KRT82: variants seen among roughly 807,000 people sequenced by gnomAD.
KRT82 encodes the protein keratin, type II cuticular Hb2.
In KRT82, 44 loss-of-function variants were observed where a neutral mutation model predicts 48.0. The observed-to-expected ratio is 0.92, with a 90% CI of 0.72 to 1.18. The LOEUF is 1.18. Among genes scored for constraint, KRT82 ranks in the 50% most tolerant of loss-of-function variants. The pLI is 0.00. For synonymous variants in KRT82, 297 were observed against 278.3 expected, an observed-to-expected ratio of 1.07 and a Z score of -0.67; for missense variants, 701 against 671.4, an observed-to-expected ratio of 1.04 and a Z score of -0.49.
rs758229847 is a variant in KRT82 at position 52,394,966 on chromosome 12, C to T, written c.*9G>A. On this transcript the variant is annotated 3_prime_UTR_variant, in exon 9 of 9. Transcript: ENST00000257974. ...CAGGGGCTCTGTCTCCTGGATGTCT[C>T]GGATCATGCTAATGCTTGTGGCTGG... 11 of 1,611,642 alleles carry T rather than the reference C, an allele frequency of 6.8e-6. No homozygotes were observed. Among genetic ancestry groups the T allele is most frequent in the African/African-American group, 2.7e-5 (2 of 74,842 alleles).
rs1163998656 is a variant in KRT82 at position 52,394,723 on chromosome 12, T to G, written c.*252A>C. On this transcript the variant is annotated 3_prime_UTR_variant, in exon 9 of 9. Coordinates refer to ENST00000257974, the MANE Select transcript of KRT82 (RefSeq NM_033033.4). The stretch of plus-strand genomic sequence containing the variant: ...TTCTGCGGTTAAGAGCAATGCATGC[T>G]CTTTCTCTGCCGTCTGTCCCCACCA... The G allele has an allele frequency of 3.5e-6, 2 of 571,900 alleles. No homozygotes were observed. Among genetic ancestry groups the G allele is most frequent in the Non-Finnish European group, 6.3e-6 (2 of 319,112 alleles). The allele number at this position is 571,900 out of a possible 1,614,324, so 35.4% of individuals were successfully genotyped here.
intron 7 of KRT82, 37 bp downstream of exon 7, chr12:52,395,974 TG>T: frequency 6.2e-7 from 1 of 1,613,012 alleles, no homozygotes; most frequent in Non-Finnish European, 8.5e-7. Flanking sequence ...TGGCCATACC[TG>T]GTAGCCCATC....
Position 52,399,979 on chromosome 12 carries a change from C to A in KRT82, c.942+6G>T. 6.2e-7 allele frequency: 1 copy of A among 1,612,374 alleles called. No homozygotes were observed. The highest frequency in any genetic ancestry group is 1.1e-5 in the South Asian group (1 of 90,990). On this transcript the variant is annotated splice_donor_region_variant and intron_variant, in intron 5 of 8. Coordinates refer to ENST00000257974, the MANE Select transcript of KRT82 (RefSeq NM_033033.4). ...AGTCTCCCTGCCCCCAACCACAGGG[C>A]CTCACCCGGCACTGGTACCAGGCCT...
chr12:52,399,998 C>G lies in KRT82; in HGVS notation c.929G>C (p.Trp310Ser). The G allele has an allele frequency of 6.2e-7, 1 of 1,614,040 alleles. No homozygotes were observed. The highest frequency in any genetic ancestry group is 1.1e-5 in the South Asian group (1 of 91,062). The change falls in exon 5 of 9, where the codon TGG (tryptophan) becomes TCG (serine). Residue 310 changes from tryptophan (W) to serine (S), a missense_variant. Trp to Ser is a radical substitution (Grantham distance 177). Coordinates refer to ENST00000257974, the MANE Select transcript of KRT82 (RefSeq NM_033033.4). Reference protein sequence around the residue: ...ASRSKAEAEAWYQCRYEELRV... With the variant: ...ASRSKAEAEASYQCRYEELRV... ...ACAGGGCCTCACCCGGCACTGGTAC[C>G]AGGCCTCTGCTTCGGCTTTGCTGCG...
chr12:52,403,770 GAC>G lies in KRT82; in HGVS notation c.549_550del (p.Ser184ArgfsTer35), dbSNP rs749719133. 12 of 1,613,398 alleles carry G rather than the reference GAC, an allele frequency of 7.4e-6. No individual in the cohort carries two copies. The highest frequency in any genetic ancestry group is 6.7e-5 in the Admixed American group (4 of 60,008). ...TGACTCTAGCCTCACGCGGTCCCCG[GAC>G]ACACAGTCCAGCTGCCGCCGAAGGG... On this transcript the variant is annotated frameshift_variant, in exon 2 of 9. Transcript: ENST00000257974. LOFTEE classifies it high-confidence loss of function.
intron 6 of KRT82, among the ~76,000 whole-genome samples, chr12:52,396,541 A>T (rs1004845332): frequency 3.3e-5 from 5 of 152,266 alleles, no homozygotes; most frequent in Non-Finnish European, 7.4e-5. Flanking sequence ...AACAACTGAG[A>T]GTCACCTTGA....
chr12:52,401,360 A>C lies in KRT82; in HGVS notation c.621-11T>G. The C allele has an allele frequency of 1.2e-6, 2 of 1,613,898 alleles. No individual in the cohort carries two copies. The highest frequency in any genetic ancestry group is 1.7e-6 in the Non-Finnish European group (2 of 1,179,812). ...AGCTCCTCTTCGTATCTGATGGAAA[A>C]GGCAGGAAAAAATGCTTTAGTCGGG... On this transcript the variant is annotated splice_polypyrimidine_tract_variant and intron_variant, in intron 2 of 8. Transcript: ENST00000257974.
At chr12:52,395,323 C>A (rs146136925) in intron 8 of KRT82, 128 bp from the exon 9 acceptor site, 15,496 of 728,510 alleles carry the variant, frequency 0.021, 261 homozygotes, top group Middle Eastern at 0.036. Context: ...CCCATTCCAG[C>A]CTCCAGCCTC....
chr12:52,401,636 G>A (rs111617946), intron 2 of KRT82, among the ~76,000 whole-genome samples: 1 of 152,200 alleles, frequency 6.6e-6, no homozygotes, highest in Non-Finnish European at 1.5e-5. Flanking sequence ...TTGCTGCTGA[G>A]GAGGTTCACT....
intron 7 of KRT82, 95 bp downstream of exon 7, chr12:52,395,917 G>C (rs964422092): frequency 1.3e-6 from 2 of 1,551,790 alleles, no homozygotes; most frequent in African/African-American, 2.7e-5. Context: ...ATGTGGGTAG[G>C]GGACGGGGTG....
intron 6 of KRT82, 24 bp downstream of exon 6, chr12:52,396,859 C>G (rs772971228): frequency 6.2e-7 from 1 of 1,612,688 alleles, no homozygotes; most frequent in South Asian, 1.1e-5. Context: ...GCTGTTGCAG[C>G]AAGGAAGTCC....
At chr12:52,405,460 T>G (rs1939839751) in intron 1 of KRT82, among the ~76,000 whole-genome samples, 2 of 152,172 alleles carry the variant, frequency 1.3e-5, no homozygotes, top group African/African-American at 2.4e-5. Flanking sequence ...ATCCTCACCT[T>G]CAGGCTCAAG....
At chr12:52,400,688 G>A in intron 3 of KRT82, 66 bp from the exon 4 acceptor site, 3 of 1,071,996 alleles carry the variant, frequency 2.8e-6, no homozygotes, top group Non-Finnish European at 4.3e-6. Flanking sequence ...GGTGGCAGGG[G>A]GAAGGCGTGG....
At chr12:52,395,645 C>T (rs769803840) in intron 8 of KRT82, 114 bp downstream of exon 8, 7 of 739,932 alleles carry the variant, frequency 9.5e-6, no homozygotes, top group Non-Finnish European at 1.1e-5. Flanking sequence ...CAGAGCTCTT[C>T]CTTTGGGGTA....
rs779359898 is a variant in KRT82 at position 52,403,707 on chromosome 12, T to C, written c.614A>G (p.Lys205Arg). 2 of 1,602,080 alleles carry C rather than the reference T, an allele frequency of 1.2e-6. No homozygotes were observed. The highest frequency in any genetic ancestry group is 1.7e-6 in the Non-Finnish European group (2 of 1,170,294). The change falls in exon 2 of 9, where the codon AAG becomes AGG. Residue 205 changes from lysine (K) to arginine (R), a missense_variant. Physicochemically the swap from Lys to Arg is conservative, Grantham distance 26. Coordinates refer to ENST00000257974, the MANE Select transcript of KRT82 (RefSeq NM_033033.4). ...AAAAGCAGCACTGACTCACTTTTTC[T>C]TGTAGCCCTCCAGTGCAGCCTGGAG... Reference protein sequence around the residue: ...CSLQAALEGYKKKYEEELSLR... With the variant: ...CSLQAALEGYRKKYEEELSLR...
intron 6 of KRT82, among the ~76,000 whole-genome samples, 191 bp from the exon 7 acceptor site, chr12:52,396,423 G>A (rs532634740): frequency 2.5e-4 from 38 of 152,272 alleles, no homozygotes; most frequent in African/African-American, 7.7e-4. Flanking sequence ...CCAAGAGAGC[G>A]GGGATTTTCC....
chr12:52,400,620 G>T lies in KRT82; in HGVS notation c.684C>A (p.Asp228Glu), dbSNP rs200149668. 1 of 1,611,956 alleles carries T rather than the reference G, an allele frequency of 6.2e-7. No individual in the cohort carries two copies. Among genetic ancestry groups the T allele is most frequent in the Non-Finnish European group, 8.5e-7 (1 of 1,178,202 alleles). Residue 228 changes from aspartate (D) to glutamate (E), a missense_variant and splice_region_variant, in exon 4 of 9, where the codon GAC becomes GAA. Physicochemically the swap from Asp to Glu is conservative, Grantham distance 45. Transcript: ENST00000257974. ...CCTTCATCAGGAAGGCTGTGTCCAC[G>T]TCCTGCAGCAGAGCAGGGACAGAAT... Reference protein sequence around the residue: ...VENEFVALKKDVDTAFLMKAD... With the variant: ...VENEFVALKKEVDTAFLMKAD...
chr12:52,398,949 A>G (rs1181461613), intron 5 of KRT82, among the ~76,000 whole-genome samples: 1 of 151,986 alleles, frequency 6.6e-6, no homozygotes, highest in Non-Finnish European at 1.5e-5. Flanking sequence ...TCAGCCTGGC[A>G]CACCCTCCCC....
rs536159634 is a variant in KRT82, at chr12:52,394,913, T to C, written c.*62A>G. ...GGAACATCCTTGTCTTCAGCCCTGG[T>C]GGGAGTGTGACATCCAGGGCCATGG... On this transcript the variant is annotated 3_prime_UTR_variant, in exon 9 of 9. Transcript: ENST00000257974. 8.7e-6 allele frequency: 12 copies of C among 1,377,108 alleles called. No homozygotes were observed. The East Asian group carries it at 2.7e-4, about 31-fold the overall frequency. 85.3% of individuals were successfully genotyped at this position (1,377,108 alleles called of 1,614,324 possible). A position where few individuals can be genotyped will look rare whatever the true frequency, so the allele number is the denominator to read the frequency against.
Sources: allele counts gnomAD v4.1 joint callset (sites outside exome capture counted in the v4.1 genomes callset), GRCh38; gene constraint gnomAD v4.1.1; transcripts MANE v1.5; gene names NCBI Gene and HGNC (gene_info 2026-07-23, HGNC 2026-07-21).